The following STXBP6 variants were observed in gnomAD, a reference collection of about 807,000 sequenced individuals.
STXBP6 encodes the protein syntaxin binding protein 6, also known as syntaxin-binding protein 6.
STXBP6 carries 21 observed loss-of-function variants against 26.9 expected under a neutral mutation model. The ratio of observed to expected loss-of-function variants is 0.78; its 90% CI spans 0.55 to 1.12. The LOEUF (loss-of-function observed/expected upper bound fraction) is 1.12, where lower values mean the gene tolerates loss of function less well. Among genes scored for constraint, STXBP6 ranks in the 50% most tolerant of loss-of-function variants. STXBP6 has a pLI of 0.00. For synonymous variants in STXBP6, 97 were observed against 92.6 expected, an observed-to-expected ratio of 1.05 and a Z score of -0.27; for missense variants, 232 against 257.9, an observed-to-expected ratio of 0.90 and a Z score of 0.69.
chr14:24,857,054 G>A lies in STXBP6; in HGVS notation c.258C>T (p.Arg86=). 1 of 1,612,942 alleles carries A rather than the reference G, an allele frequency of 6.2e-7. No homozygotes were observed. The change falls in exon 3 of 6, where the codon CGC becomes CGT. Residue 86 remains arginine (R), a synonymous_variant. Coordinates refer to ENST00000323944, the MANE Select transcript of STXBP6 (RefSeq NM_001394410.1). ...RRSQWMLEQL[R]QVNGIDPNGD... ...CATTAGGATCGATACCATTAACCTG[G>A]CGAAGCTGCTCGAGCATCCACTGTG... is the stretch of plus-strand genomic sequence containing the variant.
intron 2 of STXBP6, among the ~76,000 whole-genome samples, chr14:24,929,733 C>T (rs1023456881): frequency 2.6e-5 from 4 of 152,196 alleles, no homozygotes; most frequent in Admixed American, 1.3e-4. Flanking sequence ...TAATGTTCTA[C>T]GAAAGATGGT....
intron 2 of STXBP6, among the ~76,000 whole-genome samples, chr14:24,966,795 A>C (rs1444065342): frequency 6.6e-6 from 1 of 152,306 alleles, no homozygotes; most frequent in East Asian, 1.9e-4. Context: ...TTCCCCAGGG[A>C]GTTCATTTGC....
At chr14:24,905,623 A>T (rs975979363) in intron 2 of STXBP6, among the ~76,000 whole-genome samples, 1 of 152,214 alleles carries the variant, frequency 6.6e-6, no homozygotes, top group Non-Finnish European at 1.5e-5. Flanking sequence ...GAGGAAGAGG[A>T]CCATGAGGTT....
At chr14:24,890,558 A>G (rs1363105982) in intron 2 of STXBP6, among the ~76,000 whole-genome samples, 1 of 151,844 alleles carries the variant, frequency 6.6e-6, no homozygotes, top group African/African-American at 2.4e-5. Context: ...AAAAGAAACC[A>G]CTCCTAGATA....
chr14:24,964,938 T>C (rs2073685057), intron 2 of STXBP6, among the ~76,000 whole-genome samples: 1 of 152,176 alleles, frequency 6.6e-6, no homozygotes. Context: ...TCTAACTCCC[T>C]GTGAAGCAGG....
intron 4 of STXBP6, among the ~76,000 whole-genome samples, chr14:24,852,993 A>G (rs1424742262): frequency 2.0e-5 from 3 of 152,138 alleles, no homozygotes; most frequent in Non-Finnish European, 4.4e-5. Flanking sequence ...GGAGTTGATA[A>G]AGCATATTTC....
intron 1 of STXBP6, among the ~76,000 whole-genome samples, chr14:24,978,581 C>G (rs750904044): frequency 4.6e-5 from 7 of 152,184 alleles, no homozygotes; most frequent in Non-Finnish European, 1.0e-4. Context: ...CTATATCACC[C>G]CATGGAAGCC....
chr14:24,911,236 C>G (rs1388231282), intron 2 of STXBP6, among the ~76,000 whole-genome samples: 3 of 152,026 alleles, frequency 2.0e-5, no homozygotes, highest in African/African-American at 7.2e-5. Context: ...ACTCAGGAGA[C>G]TGAGGCAGGA....
At chr14:25,039,134 C>T (rs1443380655) in intron 1 of STXBP6, among the ~76,000 whole-genome samples, 1 of 152,046 alleles carries the variant, frequency 6.6e-6, no homozygotes, top group Admixed American at 6.5e-5. Context: ...AATAAGTATA[C>T]ACAATTATTT....
rs1390968019 is a variant in STXBP6, at chr14:25,001,105, T to A, written c.-32-26255A>T. On this transcript the variant is annotated intron_variant, in intron 1 of 5. Transcript: ENST00000323944. ...CCTCTGCATAACCATGGGAAGAATGTAAAGACGGAGGCTTTTTCTCTTGGA... is the reference window on the plus strand; with the variant it reads ...CCTCTGCATAACCATGGGAAGAATGAAAAGACGGAGGCTTTTTCTCTTGGA... Among the ~76,000 whole-genome samples, 3 of 152,204 alleles carry A rather than the reference T, an allele frequency of 2.0e-5. No individual in the cohort carries two copies. The East Asian group carries it at 5.8e-4, about 29-fold the overall frequency.
intron 2 of STXBP6, among the ~76,000 whole-genome samples, chr14:24,909,720 T>C (rs922533954): frequency 2.0e-5 from 3 of 150,984 alleles, no homozygotes; most frequent in Admixed American, 1.3e-4. Context: ...TTACCAGATA[T>C]GAGAATTTTT....
intron 4 of STXBP6, among the ~76,000 whole-genome samples, chr14:24,854,862 G>GA (rs2139162292): frequency 6.6e-6 from 1 of 151,998 alleles, no homozygotes; most frequent in African/African-American, 2.4e-5. Context: ...GTGACCCCTT[G>GA]AAAAAATATA....
At chr14:24,863,743 T>C (rs546397619) in intron 2 of STXBP6, among the ~76,000 whole-genome samples, 1 of 151,956 alleles carries the variant, frequency 6.6e-6, no homozygotes, top group Non-Finnish European at 1.5e-5. Flanking sequence ...ACCCAAAAGG[T>C]TTCCCAATAT....
intron 2 of STXBP6, among the ~76,000 whole-genome samples, chr14:24,947,735 T>A (rs2073038012): frequency 6.6e-6 from 1 of 152,120 alleles, no homozygotes; most frequent in South Asian, 2.1e-4. Context: ...TAAAGTTTAA[T>A]GACAAAAAAA....
chr14:24,853,231 T>C (rs896034594), intron 4 of STXBP6, among the ~76,000 whole-genome samples: 1 of 152,014 alleles, frequency 6.6e-6, no homozygotes, highest in African/African-American at 2.4e-5. Flanking sequence ...TACCCAAAAG[T>C]TAAAGAGGTC....
chr14:24,911,187 AT>A (rs1645056394), intron 2 of STXBP6, among the ~76,000 whole-genome samples: 1 of 151,940 alleles, frequency 6.6e-6, no homozygotes, highest in South Asian at 2.1e-4. Flanking sequence ...ACAAAAAAAA[AT>A]TATCCAGGCA....
intron 1 of STXBP6, among the ~76,000 whole-genome samples, chr14:24,989,818 CACAG>C (rs1483401244): frequency 1.3e-5 from 2 of 152,226 alleles, no homozygotes; most frequent in Non-Finnish European, 2.9e-5. Flanking sequence ...GTGTCTTTCT[CACAG>C]ACAGACTGGG....
intron 2 of STXBP6, among the ~76,000 whole-genome samples, chr14:24,867,813 TAA>T (rs2069778198): frequency 1.3e-5 from 2 of 152,202 alleles, no homozygotes; most frequent in African/African-American, 4.8e-5. Context: ...ATAAAGTTAA[TAA>T]GTAGGACTTC....
rs115562950 is a variant in STXBP6 at position 24,925,908 on chromosome 14, T to C, written c.154+48757A>G. Among the ~76,000 whole-genome samples, 426 of 152,222 alleles carry C rather than the reference T, an allele frequency of 2.8e-3. 4 individuals carry two copies. The highest frequency in any genetic ancestry group is 9.7e-3 in the African/African-American group (404 of 41,550). ...TTACAACACAAAAAAGTATTTCAACTTGCCCCTGCCAGAAGTTCAGAGAAT... is the reference window on the plus strand; with the variant it reads ...TTACAACACAAAAAAGTATTTCAACCTGCCCCTGCCAGAAGTTCAGAGAAT... On this transcript the variant is annotated intron_variant, in intron 2 of 5. Coordinates refer to ENST00000323944, the MANE Select transcript of STXBP6 (RefSeq NM_001394410.1).
Sources: gnomAD v4.1 joint callset for allele counts (sites outside exome capture counted in the v4.1 genomes callset) on GRCh38, gnomAD v4.1.1 for gene constraint, MANE v1.5 for transcripts, NCBI Gene and HGNC (gene_info 2026-07-23, HGNC 2026-07-21) for gene names.